Variants in TMPRSS15 observed in about 807,000 individuals in gnomAD.
The protein encoded by TMPRSS15 is transmembrane serine protease 15.
In TMPRSS15, 128 loss-of-function variants were observed where a neutral mutation model predicts 125.3. The ratio of observed to expected loss-of-function variants is 1.02; its 90% CI spans 0.89 to 1.18. The LOEUF is 1.18. TMPRSS15 is among the 50% of genes most tolerant of loss of function. TMPRSS15 has a pLI of 0.00. For missense variants in TMPRSS15, 1,283 were observed against 1,212.7 expected (o/e 1.06, Z -0.86); for synonymous variants, 446 against 423.2 (o/e 1.05, Z -0.66).
Position 18,343,954 on chromosome 21 carries a change from C to T in TMPRSS15, c.1277+1G>A. ...CGTTTAAACAGGTGTCTACAACATACCAGAAACTAAGGCAAGCTGGCTCCA... is the reference window on the plus strand; with the variant it reads ...CGTTTAAACAGGTGTCTACAACATATCAGAAACTAAGGCAAGCTGGCTCCA... On this transcript the variant is annotated splice_donor_variant, in intron 11 of 24. Coordinates refer to ENST00000284885, the MANE Select transcript of TMPRSS15 (RefSeq NM_002772.3). LOFTEE classifies it high-confidence loss of function. The T allele has an allele frequency of 1.2e-6, 2 of 1,613,714 alleles. No homozygotes were observed. The highest frequency in any genetic ancestry group is 1.1e-5 in the South Asian group (1 of 91,068).
At chr21:18,279,519 A>T in intron 22 of TMPRSS15, among the ~76,000 whole-genome samples, 1 of 148,922 alleles carries the variant, frequency 6.7e-6, no homozygotes, top group Non-Finnish European at 1.5e-5. Context: ...TTTTTTTAGT[A>T]GAGATGGCGT....
intron 18 of TMPRSS15, among the ~76,000 whole-genome samples, chr21:18,298,260 T>C (rs2074929019): frequency 6.6e-6 from 1 of 152,232 alleles, no homozygotes; most frequent in East Asian, 1.9e-4. Context: ...CTCATCTTTT[T>C]TTTGGCTCAT....
intron 4 of TMPRSS15, among the ~76,000 whole-genome samples, chr21:18,380,328 T>G (rs893710653): frequency 6.6e-6 from 1 of 152,064 alleles, no homozygotes; most frequent in Non-Finnish European, 1.5e-5. Flanking sequence ...AACATTGAAA[T>G]TGGAAATGTA....
intron 1 of TMPRSS15, among the ~76,000 whole-genome samples, chr21:18,430,493 G>C (rs1184668188): frequency 6.6e-6 from 1 of 152,068 alleles, no homozygotes; most frequent in Non-Finnish European, 1.5e-5. Context: ...CTTGGTGGTG[G>C]TTGCTCAACC....
intron 1 of TMPRSS15, among the ~76,000 whole-genome samples, chr21:18,398,996 T>C (rs2076069196): frequency 6.6e-6 from 1 of 152,094 alleles, no homozygotes; most frequent in African/African-American, 2.4e-5. Context: ...GAATTAAATA[T>C]AAACATGGAT....
intron 17 of TMPRSS15, among the ~76,000 whole-genome samples, chr21:18,314,003 T>C (rs556172553): frequency 5.3e-5 from 8 of 152,266 alleles, no homozygotes; most frequent in Non-Finnish European, 1.0e-4. Context: ...AGGCCATTAG[T>C]GGCCAGGTAG....
intron 15 of TMPRSS15, among the ~76,000 whole-genome samples, chr21:18,327,704 C>A (rs1207640428): frequency 6.8e-6 from 1 of 147,476 alleles, no homozygotes; most frequent in African/African-American, 2.5e-5. Context: ...GAATACAAGT[C>A]CAAAGCACAG....
At chr21:18,466,506 A>T (rs187419990) in intron 1 of TMPRSS15, among the ~76,000 whole-genome samples, 2 of 152,320 alleles carry the variant, frequency 1.3e-5, no homozygotes, top group African/African-American at 4.8e-5. Flanking sequence ...AATTTTTGCA[A>T]TCTATCCATC....
At chr21:18,292,433 G>GT (rs2074849476) in intron 21 of TMPRSS15, among the ~76,000 whole-genome samples, 1 of 152,066 alleles carries the variant, frequency 6.6e-6, no homozygotes, top group South Asian at 2.1e-4. Flanking sequence ...CTTTTCTCTG[G>GT]TAACAATTGG....
intron 1 of TMPRSS15, among the ~76,000 whole-genome samples, chr21:18,421,504 C>A (rs886997137): frequency 2.6e-5 from 4 of 152,126 alleles, no homozygotes; most frequent in Non-Finnish European, 5.9e-5. Context: ...ATGTTTCTAT[C>A]CCTGGTCAGT....
chr21:18,294,445 C>T lies in TMPRSS15; in HGVS notation c.2312-1G>A, dbSNP rs143432711. 4.6e-5 allele frequency: 74 copies of T among 1,614,050 alleles called. No individual in the cohort carries two copies. Among genetic ancestry groups the T allele is most frequent in the Non-Finnish European group, 5.8e-5 (69 of 1,180,026 alleles). ...TGAGCTGCCAGTTTTTTTCCACAAG[C>T]TATTAAAATAATTGGAGAAAGAGCA... On this transcript the variant is annotated splice_acceptor_variant, in intron 20 of 24. Transcript: ENST00000284885. LOFTEE classifies it high-confidence loss of function.
At chr21:18,417,579 T>A (rs1310753117) in intron 1 of TMPRSS15, among the ~76,000 whole-genome samples, 1 of 152,180 alleles carries the variant, frequency 6.6e-6, no homozygotes, top group African/African-American at 2.4e-5. Flanking sequence ...TGAACAAGAT[T>A]TGGTGTGCTC....
intron 24 of TMPRSS15, among the ~76,000 whole-genome samples, chr21:18,274,506 T>G (rs1323108081): frequency 2.6e-5 from 4 of 152,210 alleles, no homozygotes; most frequent in African/African-American, 9.6e-5. Flanking sequence ...TAAGAGTTTT[T>G]TCCTAATGTC....
intron 1 of TMPRSS15, among the ~76,000 whole-genome samples, chr21:18,422,401 T>A (rs2824819): frequency 0.11 from 15,989 of 152,202 alleles, 1,071 homozygotes; most frequent in African/African-American, 0.19. Context: ...GGTTTACCTC[T>A]GATTGAAGAT....
chr21:18,470,377 T>A (rs980112010), intron 1 of TMPRSS15, among the ~76,000 whole-genome samples: 3 of 151,948 alleles, frequency 2.0e-5, no homozygotes, highest in African/African-American at 7.2e-5. Flanking sequence ...GTCAAGAATA[T>A]TGCACAAAGT....
chr21:18,304,132 TC>T (rs2146918555), intron 18 of TMPRSS15, among the ~76,000 whole-genome samples: 1 of 152,264 alleles, frequency 6.6e-6, no homozygotes, highest in African/African-American at 2.4e-5. Context: ...ATGCCAGGGT[TC>T]GTGGGGGTCT....
At chr21:18,373,998 T>C (rs1020872330) in intron 5 of TMPRSS15, among the ~76,000 whole-genome samples, 1 of 152,214 alleles carries the variant, frequency 6.6e-6, no homozygotes, top group Non-Finnish European at 1.5e-5. Flanking sequence ...GTACAAATTA[T>C]ATTTTAAAGA....
At chr21:18,313,986 A>G (rs2075130621) in intron 17 of TMPRSS15, among the ~76,000 whole-genome samples, 1 of 152,070 alleles carries the variant, frequency 6.6e-6, no homozygotes, top group Non-Finnish European at 1.5e-5. Flanking sequence ...TTTTGAACAG[A>G]ATTTTAAGGC....
rs115906706 is a variant in TMPRSS15, at chr21:18,414,370, C to T, written c.11-16041G>A. Among the ~76,000 whole-genome samples the T allele has an allele frequency of 8.6e-3, 1,304 of 152,154 alleles. 24 individuals are homozygous for T. Among genetic ancestry groups the T allele is most frequent in the African/African-American group, 0.029 (1,198 of 41,514 alleles). On this transcript the variant is annotated intron_variant, in intron 1 of 7. Coordinates refer to the TMPRSS15 transcript ENST00000422787. ...GTGAGTGTGTGATTTTTGAACATAA[C>T]GTGAGCTTTCAACTCTTTCTTACCA...
Sources: allele counts gnomAD v4.1 joint callset (sites outside exome capture counted in the v4.1 genomes callset), GRCh38; gene constraint gnomAD v4.1.1; transcripts MANE v1.5; gene names NCBI Gene and HGNC (gene_info 2026-07-23, HGNC 2026-07-21).